The following GMDS variants were observed in gnomAD, a reference collection of about 807,000 sequenced individuals.
GMDS encodes the protein GDP-mannose 4,6-dehydratase.
GMDS carries 20 observed loss-of-function variants against 49.9 expected under a neutral mutation model. The observed-to-expected ratio is 0.40, with a 90% CI of 0.28 to 0.58. The LOEUF (loss-of-function observed/expected upper bound fraction) is 0.58, where lower values mean the gene tolerates loss of function less well. Among genes scored for constraint, GMDS ranks in the 20% least tolerant of loss-of-function variants. The pLI, the probability that GMDS is intolerant of heterozygous loss-of-function variation, is 0.42. For missense variants in GMDS, 362 were observed against 481.4 expected, an observed-to-expected ratio of 0.75 and a Z score of 2.32; for synonymous variants, 177 against 178.6, an observed-to-expected ratio of 0.99 and a Z score of 0.07.
intron 1 of GMDS, among the ~76,000 whole-genome samples, chr6:2,155,804 A>T (rs73418795): frequency 0.018 from 2,782 of 152,284 alleles, 85 homozygotes; most frequent in African/African-American, 0.064. Flanking sequence ...AAGAATCAGT[A>T]TCTCTGCTGA....
chr6:2,210,560 T>C (rs1780019245), intron 1 of GMDS, among the ~76,000 whole-genome samples: 1 of 151,910 alleles, frequency 6.6e-6, no homozygotes, highest in Admixed American at 6.6e-5. Context: ...GGAAATCAGC[T>C]AGGGGCTTCC....
intron 1 of GMDS, among the ~76,000 whole-genome samples, chr6:2,180,643 A>T (rs193142290): frequency 1.3e-5 from 2 of 152,120 alleles, no homozygotes; most frequent in East Asian, 3.9e-4. Context: ...TAAATTATAT[A>T]TAAATAAATA....
intron 4 of GMDS, among the ~76,000 whole-genome samples, chr6:2,085,503 T>G (rs985203523): frequency 6.6e-6 from 1 of 152,218 alleles, no homozygotes; most frequent in Non-Finnish European, 1.5e-5. Context: ...CTGACTTTTT[T>G]GCACATCAGT....
chr6:1,652,723 G>T (rs1166672675), intron 9 of GMDS, among the ~76,000 whole-genome samples: 1 of 72,246 alleles, frequency 1.4e-5, no homozygotes, highest in African/African-American at 6.3e-5. Context: ...TATATATAGA[G>T]AGAGAGAGAG....
chr6:1,889,451 GCT>G (rs1420486003), intron 7 of GMDS, among the ~76,000 whole-genome samples: 1 of 151,946 alleles, frequency 6.6e-6, no homozygotes, highest in Non-Finnish European at 1.5e-5. Flanking sequence ...CAACTTCACT[GCT>G]CTCCCTCCCT....
intron 1 of GMDS, among the ~76,000 whole-genome samples, chr6:2,161,152 C>T (rs566812378): frequency 3.2e-4 from 48 of 152,014 alleles, no homozygotes; most frequent in African/African-American, 1.1e-3. Flanking sequence ...GCTGGGACTA[C>T]GGGCACACCA....
At chr6:2,078,203 G>A (rs757460966) in intron 4 of GMDS, among the ~76,000 whole-genome samples, 3 of 151,888 alleles carry the variant, frequency 2.0e-5, no homozygotes, top group Non-Finnish European at 2.9e-5. Context: ...TCAATTTTGT[G>A]TCTTTTCAAA....
chr6:2,239,465 T>C (rs1472970996), intron 1 of GMDS, among the ~76,000 whole-genome samples: 1 of 152,194 alleles, frequency 6.6e-6, no homozygotes, highest in African/African-American at 2.4e-5. Context: ...ATCACACTAC[T>C]GTAGACTAGG....
chr6:2,233,580 G>C (rs558614656), intron 1 of GMDS, among the ~76,000 whole-genome samples: 231 of 152,362 alleles, frequency 1.5e-3, no homozygotes, highest in Non-Finnish European at 2.4e-3. Context: ...AGCACTTTGA[G>C]AGGCTGAGGT....
intron 7 of GMDS, among the ~76,000 whole-genome samples, chr6:1,742,887 G>T (rs1767328839): frequency 6.6e-6 from 1 of 152,168 alleles, no homozygotes; most frequent in Admixed American, 6.5e-5. Context: ...CAGGTCCTCA[G>T]ACCACAACGT....
chr6:2,119,318 C>T (rs1337246063), intron 2 of GMDS, among the ~76,000 whole-genome samples: 1 of 151,958 alleles, frequency 6.6e-6, no homozygotes, highest in African/African-American at 2.4e-5. Flanking sequence ...GACAACTATA[C>T]AAAGTCAAGC....
intron 4 of GMDS, among the ~76,000 whole-genome samples, chr6:1,989,016 C>T (rs1425665396): frequency 1.3e-5 from 2 of 152,210 alleles, no homozygotes; most frequent in Non-Finnish European, 2.9e-5. Context: ...CTCAGAGCTG[C>T]AGGGGGCATG....
At chr6:1,897,764 T>C (rs1407922748) in intron 7 of GMDS, among the ~76,000 whole-genome samples, 1 of 152,258 alleles carries the variant, frequency 6.6e-6, no homozygotes, top group Non-Finnish European at 1.5e-5. Flanking sequence ...TTATTTCTTC[T>C]AGCTACCTCT....
intron 6 of GMDS, among the ~76,000 whole-genome samples, chr6:1,942,070 G>A (rs551385604): frequency 2.0e-5 from 3 of 152,144 alleles, no homozygotes; most frequent in Non-Finnish European, 4.4e-5. Flanking sequence ...ATGATGACCT[G>A]CAACTTCCTG....
chr6:1,841,523 C>T (rs1757151337), intron 7 of GMDS, among the ~76,000 whole-genome samples: 1 of 152,172 alleles, frequency 6.6e-6, no homozygotes, highest in Non-Finnish European at 1.5e-5. Flanking sequence ...TTAGAAATTA[C>T]CAACTCATTT....
intron 8 of GMDS, among the ~76,000 whole-genome samples, chr6:1,734,377 C>A (rs538613377): frequency 6.6e-6 from 1 of 152,190 alleles, no homozygotes; most frequent in Non-Finnish European, 1.5e-5. Context: ...ATCGTGGGGC[C>A]CTTATGAATG....
chr6:1,898,580 C>T (rs1760340364), intron 7 of GMDS, among the ~76,000 whole-genome samples: 1 of 152,144 alleles, frequency 6.6e-6, no homozygotes, highest in African/African-American at 2.4e-5. Context: ...TGAAAAATTG[C>T]ACACCAGTCA....
intron 7 of GMDS, among the ~76,000 whole-genome samples, chr6:1,831,210 C>T (rs367823235): frequency 2.0e-5 from 3 of 152,202 alleles, no homozygotes; most frequent in South Asian, 2.1e-4. Flanking sequence ...GCCTCCTGGA[C>T]GTTAGGTCAA....
chr6:1,907,096 C>A (rs958271779), intron 7 of GMDS, among the ~76,000 whole-genome samples: 3 of 152,196 alleles, frequency 2.0e-5, no homozygotes, highest in African/African-American at 7.2e-5. Context: ...ATATTTGTGT[C>A]TGCAAGCACA....
Sources: allele counts gnomAD v4.1 joint callset (sites outside exome capture counted in the v4.1 genomes callset), GRCh38; gene constraint gnomAD v4.1.1; transcripts MANE v1.5; gene names NCBI Gene and HGNC (gene_info 2026-07-23, HGNC 2026-07-21).